Variants in MACROD2 observed in about 807,000 individuals in gnomAD.
The protein encoded by MACROD2 is ADP-ribose glycohydrolase MACROD2.
MACROD2 carries 36 observed loss-of-function variants against 70.4 expected under a neutral mutation model. The observed-to-expected ratio is 0.51, with a 90% confidence interval of 0.39 to 0.68. MACROD2 has a LOEUF of 0.68. Ranked by LOEUF, MACROD2 falls within the 30% of genes least tolerant of loss-of-function variation. The probability of loss-of-function intolerance (pLI) is 0.00; values close to 1 mark genes in which losing one functional copy is unlikely to be tolerated. For missense variants in MACROD2, 496 were observed against 538.4 expected (o/e 0.92, Z 0.78); for synonymous variants, 172 against 178.8 (o/e 0.96, Z 0.30).
At chr20:14,078,650 C>T (rs967239450) in intron 2 of MACROD2, among the ~76,000 whole-genome samples, 8 of 151,800 alleles carry the variant, frequency 5.3e-5, no homozygotes, top group Non-Finnish European at 8.8e-5. Context: ...TCAGGTGATC[C>T]GCCCACCTTG....
At chr20:15,627,730 T>C (rs1343423082) in intron 8 of MACROD2, among the ~76,000 whole-genome samples, 1 of 152,206 alleles carries the variant, frequency 6.6e-6, no homozygotes, top group Non-Finnish European at 1.5e-5. Flanking sequence ...ATGTTATCTG[T>C]AGGACAGATC....
chr20:15,207,005 G>A (rs1405823069), intron 5 of MACROD2, among the ~76,000 whole-genome samples: 1 of 151,926 alleles, frequency 6.6e-6, no homozygotes, highest in Non-Finnish European at 1.5e-5. Context: ...CAAAGTGCTG[G>A]GATTACAGGC....
chr20:14,514,191 C>T (rs2085063447), intron 4 of MACROD2, among the ~76,000 whole-genome samples: 1 of 152,068 alleles, frequency 6.6e-6, no homozygotes, highest in South Asian at 2.1e-4. Context: ...ACTAGCATAA[C>T]ATGATATGAA....
At chr20:15,200,274 C>A (rs1424618689) in intron 5 of MACROD2, among the ~76,000 whole-genome samples, 1 of 152,170 alleles carries the variant, frequency 6.6e-6, no homozygotes, top group African/African-American at 2.4e-5. Context: ...ACTTCACATG[C>A]TACTTTGATG....
intron 3 of MACROD2, among the ~76,000 whole-genome samples, chr20:14,260,584 T>C (rs2082093468): frequency 6.6e-6 from 1 of 152,154 alleles, no homozygotes. Flanking sequence ...ATTACAGGCA[T>C]GAGCCACCAC....
rs2054067937 is a variant in MACROD2, at chr20:14,085,664, T to C, written c.207T>C (p.Thr69=). 1 of 1,582,040 alleles carries C rather than the reference T, an allele frequency of 6.3e-7. No individual in the cohort carries two copies. The highest frequency in any genetic ancestry group is 1.2e-5 in the South Asian group (1 of 83,282). ...QETSQVKKSL[T]EKVSLYRGDI... ...CATCCCAGGTGAAGAAAAGTTTGAC[T>C]GAAAAAGTTTCTCTCTATAGAGGTG... is the stretch of plus-strand genomic sequence containing the variant. Residue 69 remains threonine (T), a synonymous_variant, in exon 3 of 18, where the codon ACT becomes ACC. Transcript: ENST00000684519.
chr20:14,443,072 C>CT (rs1372773006), intron 3 of MACROD2, among the ~76,000 whole-genome samples: 1 of 150,120 alleles, frequency 6.7e-6, no homozygotes, highest in East Asian at 2.0e-4. Context: ...GAGCGAGACT[C>CT]TGTCTCAAGA....
intron 5 of MACROD2, among the ~76,000 whole-genome samples, chr20:14,718,030 C>T (rs61589955): frequency 0.14 from 21,286 of 151,882 alleles, 1,989 homozygotes; most frequent in South Asian, 0.37. Flanking sequence ...TGCGGTGGCT[C>T]GCGCCTGTAA....
chr20:14,432,258 T>A (rs1302223101), intron 3 of MACROD2, among the ~76,000 whole-genome samples: 1 of 152,168 alleles, frequency 6.6e-6, no homozygotes, highest in Non-Finnish European at 1.5e-5. Flanking sequence ...AATACTCTAC[T>A]ATTATTATCT....
intron 12 of MACROD2, among the ~76,000 whole-genome samples, chr20:15,966,501 G>C (rs74484881): frequency 0.011 from 1,691 of 152,222 alleles, 27 homozygotes; most frequent in African/African-American, 0.038. Flanking sequence ...CAGCACTTTG[G>C]GGGTATGAGG....
At chr20:15,050,711 G>A (rs899662837) in intron 5 of MACROD2, among the ~76,000 whole-genome samples, 4 of 150,444 alleles carry the variant, frequency 2.7e-5, no homozygotes, top group African/African-American at 9.8e-5. Flanking sequence ...TTAAAGTAGT[G>A]AAATGCTTGC....
At chr20:14,526,544 G>A (rs963785882) in intron 4 of MACROD2, among the ~76,000 whole-genome samples, 2 of 152,096 alleles carry the variant, frequency 1.3e-5, no homozygotes, top group Non-Finnish European at 2.9e-5. Context: ...TTTCTTCATA[G>A]ACAGAAGTCT....
At chr20:14,840,102 A>G (rs1330644103) in intron 5 of MACROD2, among the ~76,000 whole-genome samples, 1 of 146,864 alleles carries the variant, frequency 6.8e-6, no homozygotes, top group Admixed American at 6.9e-5. Context: ...CAGTGGTACT[A>G]TCTCCGCTCA....
intron 12 of MACROD2, among the ~76,000 whole-genome samples, chr20:15,951,224 G>C (rs6110841): frequency 1.3e-5 from 2 of 151,442 alleles, no homozygotes; most frequent in African/African-American, 2.4e-5. Context: ...TTCACAAGCA[G>C]GAATGTTTTG....
At chr20:13,997,605 A>T (rs961003967) in intron 1 of MACROD2, among the ~76,000 whole-genome samples, 2 of 152,186 alleles carry the variant, frequency 1.3e-5, no homozygotes, top group African/African-American at 4.8e-5. Context: ...ACCAGCAGGC[A>T]TTTTAGAATC....
chr20:16,017,787 A>C (rs73237750), intron 15 of MACROD2, among the ~76,000 whole-genome samples: 173 of 152,358 alleles, frequency 1.1e-3, no homozygotes, highest in African/African-American at 3.9e-3. Context: ...ATTTCATGAC[A>C]CATAGTGGGT....
chr20:15,675,548 G>T (rs968180515), intron 8 of MACROD2, among the ~76,000 whole-genome samples: 1 of 152,098 alleles, frequency 6.6e-6, no homozygotes, highest in Non-Finnish European at 1.5e-5. Context: ...ACAGTTTAGC[G>T]CTGGCAACCC....
At chr20:15,916,579 C>A (rs939248733) in intron 10 of MACROD2, among the ~76,000 whole-genome samples, 1 of 152,184 alleles carries the variant, frequency 6.6e-6, no homozygotes, top group Non-Finnish European at 1.5e-5. Flanking sequence ...CCAAGACTTC[C>A]TGCATCCCGA....
chr20:14,125,499 G>T (rs1286461324), intron 3 of MACROD2, among the ~76,000 whole-genome samples: 2 of 151,970 alleles, frequency 1.3e-5, no homozygotes, highest in Non-Finnish European at 2.9e-5. Context: ...GTTCAGTAAA[G>T]ATAAACAAAA....
Sources: gnomAD v4.1 joint callset for allele counts (sites outside exome capture counted in the v4.1 genomes callset) on GRCh38, gnomAD v4.1.1 for gene constraint, MANE v1.5 for transcripts, NCBI Gene and HGNC (gene_info 2026-07-23, HGNC 2026-07-21) for gene names.